The following CNTN1 variants were observed in gnomAD, a reference collection of about 807,000 sequenced individuals.
CNTN1 encodes contactin 1, also known as contactin-1.
A neutral mutation model predicts 126.4 loss-of-function variants in CNTN1; 38 were observed. The ratio of observed to expected loss-of-function variants is 0.30; its 90% confidence interval spans 0.23 to 0.39. The LOEUF is 0.39. CNTN1 is among the 10% of genes least tolerant of loss of function. CNTN1 has a pLI of 1.00. For synonymous variants in CNTN1, 413 were observed against 422.6 expected (o/e 0.98, Z 0.28); for missense variants, 1,009 against 1,248.4 (o/e 0.81, Z 2.89).
chr12:40,764,383 G>T (rs187831340), intron 1 of CNTN1, among the ~76,000 whole-genome samples: 9 of 152,266 alleles, frequency 5.9e-5, no homozygotes, highest in Admixed American at 5.9e-4. Flanking sequence ...ATGAACTAAT[G>T]GAATAGTACT....
intron 16 of CNTN1, among the ~76,000 whole-genome samples, chr12:40,990,120 T>C (rs1470510298): frequency 6.6e-6 from 1 of 152,210 alleles, no homozygotes; most frequent in Non-Finnish European, 1.5e-5. Flanking sequence ...GATGGTTTTA[T>C]TGAGGGGATA....
intron 1 of CNTN1, among the ~76,000 whole-genome samples, chr12:40,892,647 G>A (rs12307865): frequency 0.095 from 14,453 of 152,024 alleles, 886 homozygotes; most frequent in African/African-American, 0.17. Flanking sequence ...CATGTTTCAG[G>A]ACATAACTTG....
intron 15 of CNTN1, among the ~76,000 whole-genome samples, chr12:40,961,678 C>G (rs566671041): frequency 1.3e-5 from 2 of 152,038 alleles, no homozygotes; most frequent in South Asian, 2.1e-4. Flanking sequence ...CAATGTCCCA[C>G]AAGGCATTAA....
rs144987654 is a variant in CNTN1, at chr12:40,932,669, C to A, written c.704-792C>A. Among the ~76,000 whole-genome samples the A allele has an allele frequency of 4.3e-3, 658 of 151,998 alleles. 5 individuals are homozygous for A. Among genetic ancestry groups the A allele is most frequent in the African/African-American group, 0.011 (472 of 41,502 alleles). ...GGTGTTTGCTCAAGCTAAACTGGTCCAATTTAAATGCCATATTTGCCTCAG... is the reference window on the plus strand; with the variant it reads ...GGTGTTTGCTCAAGCTAAACTGGTCAAATTTAAATGCCATATTTGCCTCAG... On this transcript the variant is annotated intron_variant, in intron 7 of 23. Transcript: ENST00000551295.
At chr12:40,934,731 C>T (rs1946021469) in intron 9 of CNTN1, among the ~76,000 whole-genome samples, 2 of 152,014 alleles carry the variant, frequency 1.3e-5, no homozygotes, top group Non-Finnish European at 2.9e-5. Flanking sequence ...AAAGTGTTGT[C>T]TCCATCTCCA....
At position 40,958,335 on chromosome 12, in the gene CNTN1, ATG is replaced by A. The variant is rs544218185; in HGVS notation, c.1684-769_1684-768del. On this transcript the variant is annotated intron_variant, in intron 14 of 23. Coordinates refer to ENST00000551295, the MANE Select transcript of CNTN1 (RefSeq NM_001843.4). ...CCTGTATGTGTGTATGTATGTGTAT[ATG>A]TGTGTGTGTATATATGTGTGTGTGT... Among the ~76,000 whole-genome samples, 395 of 142,886 alleles carry A rather than the reference ATG, an allele frequency of 2.8e-3. 3 individuals are homozygous for A. Among genetic ancestry groups the A allele is most frequent in the South Asian group, 0.022 (100 of 4,514 alleles). 93.7% of individuals were successfully genotyped at this position (142,886 alleles called of 152,430 possible).
At position 40,969,513 on chromosome 12, in the gene CNTN1, C is replaced by T. The variant is rs568944291; in HGVS notation, c.1804+10279C>T. Among the ~76,000 whole-genome samples the T allele has an allele frequency of 1.4e-3, 220 of 152,318 alleles. 1 individual carries two copies. Among genetic ancestry groups the T allele is most frequent in the African/African-American group, 4.9e-3 (204 of 41,582 alleles). On this transcript the variant is annotated intron_variant, in intron 15 of 23. Transcript: ENST00000551295. ...CAAGGCACAGTTCTAAATCTTTTCT[C>T]TGCCAGAGTGCTTTTCCATCATCAT... is the stretch of plus-strand genomic sequence containing the variant.
In CNTN1 at chr12:41,057,958, G is replaced by A. The variant is rs113352946; in HGVS notation, c.2981-12001G>A. On this transcript the variant is annotated intron_variant, in intron 23 of 23. Coordinates refer to ENST00000551295, the MANE Select transcript of CNTN1 (RefSeq NM_001843.4). ...GAAGAAAAAGCACTTTGCAAATGAC[G>A]GCATTTTCTATTATGAATAATTAAG... Among the ~76,000 whole-genome samples the A allele has an allele frequency of 5.1e-3, 777 of 152,038 alleles. 6 individuals carry two copies. The highest frequency in any genetic ancestry group is 0.018 in the African/African-American group (737 of 41,476).
At chr12:41,013,388 A>G (rs539694350) in intron 17 of CNTN1, among the ~76,000 whole-genome samples, 6 of 152,194 alleles carry the variant, frequency 3.9e-5, no homozygotes, top group Admixed American at 6.5e-5. Context: ...GCTCTTTCTT[A>G]GAAAATGATT....
At chr12:40,833,220 G>T (rs149631561) in intron 1 of CNTN1, among the ~76,000 whole-genome samples, 2,321 of 152,106 alleles carry the variant, frequency 0.015, 48 homozygotes, top group African/African-American at 0.053. Flanking sequence ...TCGGCCTCCC[G>T]AGTAGCTGGG....
chr12:41,065,700 T>C (rs1024552091), intron 23 of CNTN1, among the ~76,000 whole-genome samples: 4 of 152,100 alleles, frequency 2.6e-5, no homozygotes, highest in Admixed American at 6.5e-5. Context: ...TTCCCACTAA[T>C]AGGTGGGACA....
At chr12:41,008,950 G>A (rs1408142801) in intron 17 of CNTN1, among the ~76,000 whole-genome samples, 2 of 152,230 alleles carry the variant, frequency 1.3e-5, no homozygotes, top group African/African-American at 4.8e-5. Context: ...AAGTGCTCTT[G>A]TAAGAGCTAT....
In CNTN1 at chr12:41,022,445, G is replaced by A. The variant is rs372618107; in HGVS notation, c.2523+2005G>A. Among the ~76,000 whole-genome samples the A allele has an allele frequency of 3.5e-3, 526 of 152,306 alleles. 2 individuals carry two copies. The highest frequency in any genetic ancestry group is 0.012 in the African/African-American group (490 of 41,572). On this transcript the variant is annotated intron_variant, in intron 20 of 23. Coordinates refer to ENST00000551295, the MANE Select transcript of CNTN1 (RefSeq NM_001843.4). Reference sequence around the variant, plus strand: ...AGCTCTGTCACTTAAGAATTTTGTAGAAAATTGATTTGAACTTTGAGTTTC... The same window carrying A: ...AGCTCTGTCACTTAAGAATTTTGTAAAAAATTGATTTGAACTTTGAGTTTC...
At chr12:40,847,277 T>C (rs1199852417) in intron 1 of CNTN1, among the ~76,000 whole-genome samples, 5 of 152,198 alleles carry the variant, frequency 3.3e-5, no homozygotes, top group African/African-American at 1.2e-4. Flanking sequence ...AAGACTGCAT[T>C]TACCTGGTTA....
intron 1 of CNTN1, among the ~76,000 whole-genome samples, chr12:40,874,376 G>T (rs1289610822): frequency 6.6e-6 from 1 of 151,958 alleles, no homozygotes; most frequent in Non-Finnish European, 1.5e-5. Context: ...AAATTTAAAG[G>T]ATAGAACATT....
intron 20 of CNTN1, among the ~76,000 whole-genome samples, chr12:41,023,480 T>G (rs1948971144): frequency 6.6e-6 from 1 of 152,210 alleles, no homozygotes; most frequent in Non-Finnish European, 1.5e-5. Flanking sequence ...ATACAAGAAG[T>G]CTTTCTTATC....
At chr12:41,007,754 T>G (rs771683325) in intron 17 of CNTN1, among the ~76,000 whole-genome samples, 1 of 152,182 alleles carries the variant, frequency 6.6e-6, no homozygotes, top group African/African-American at 2.4e-5. Context: ...AGTTGACTGG[T>G]GCCATCTTCT....
At chr12:40,738,529 T>A (rs1048496756) in intron 1 of CNTN1, among the ~76,000 whole-genome samples, 1 of 152,006 alleles carries the variant, frequency 6.6e-6, no homozygotes, top group African/African-American at 2.4e-5. Flanking sequence ...AAGGACATCA[T>A]TAAATACAGT....
chr12:40,782,042 A>G (rs989738335), intron 1 of CNTN1, among the ~76,000 whole-genome samples: 1 of 151,956 alleles, frequency 6.6e-6, no homozygotes, highest in Admixed American at 6.6e-5. Context: ...GTCTTGTCAC[A>G]TGAGAAATTG....
Sources: gnomAD v4.1 joint callset for allele counts (sites outside exome capture counted in the v4.1 genomes callset) on GRCh38, gnomAD v4.1.1 for gene constraint, MANE v1.5 for transcripts, NCBI Gene and HGNC (gene_info 2026-07-23, HGNC 2026-07-21) for gene names.